SDAD1: variants seen among roughly 807,000 people sequenced by gnomAD.
SDAD1 encodes protein SDA1 homolog.
A neutral mutation model predicts 100.3 loss-of-function variants in SDAD1; 79 were observed. The ratio of observed to expected loss-of-function variants is 0.79; its 90% CI spans 0.66 to 0.95. SDAD1 has a LOEUF of 0.95. Among genes scored for constraint, SDAD1 ranks in the 40% least tolerant of loss-of-function variants. The pLI, the probability that SDAD1 is intolerant of heterozygous loss-of-function variation, is 0.00. For synonymous variants in SDAD1, 267 were observed against 271.4 expected, an observed-to-expected ratio of 0.98 and a Z score of 0.16; for missense variants, 790 against 810.9, an observed-to-expected ratio of 0.97 and a Z score of 0.31.
chr4:75,984,778 A>AACACACACACACACAC (rs35320227), intron 1 of SDAD1, among the ~76,000 whole-genome samples: 3,313 of 136,892 alleles, frequency 0.024, 72 homozygotes, highest in Middle Eastern at 0.072. Flanking sequence ...CACACACACA[A>AACACACACACACACAC]ACACACACAC....
intron 3 of SDAD1, among the ~76,000 whole-genome samples, chr4:75,979,427 T>C (rs1182576414): frequency 6.6e-6 from 1 of 152,212 alleles, no homozygotes; most frequent in South Asian, 2.1e-4. Context: ...ATGCTAACTA[T>C]ACAGACGCAA....
chr4:75,961,558 A>T (rs953188957), intron 14 of SDAD1, among the ~76,000 whole-genome samples: 4 of 152,062 alleles, frequency 2.6e-5, no homozygotes, highest in African/African-American at 9.7e-5. Context: ...TCAGAGAAGC[A>T]TTTACTTGCC....
At chr4:75,985,767 A>G (rs748292413) in intron 1 of SDAD1, among the ~76,000 whole-genome samples, 7 of 152,128 alleles carry the variant, frequency 4.6e-5, no homozygotes, top group Non-Finnish European at 8.8e-5. Context: ...ACCAATAACT[A>G]TATTACAACT....
At chr4:75,967,063 G>A (rs905323293) in intron 12 of SDAD1, among the ~76,000 whole-genome samples, 1 of 152,282 alleles carries the variant, frequency 6.6e-6, no homozygotes, top group Middle Eastern at 3.4e-3. Context: ...CACTGTGCCC[G>A]GCAGTTGTTG....
At chr4:75,969,093 T>C (rs1729719310) in intron 11 of SDAD1, among the ~76,000 whole-genome samples, 1 of 148,222 alleles carries the variant, frequency 6.7e-6, no homozygotes, top group Admixed American at 6.7e-5. Flanking sequence ...ATGGAATATA[T>C]GTACAAATTA....
chr4:75,966,660 T>A (rs1363603195), intron 12 of SDAD1, among the ~76,000 whole-genome samples: 1 of 152,222 alleles, frequency 6.6e-6, no homozygotes, highest in Admixed American at 6.5e-5. Flanking sequence ...AATCTTAATA[T>A]CTATTATGAA....
chr4:75,971,944 T>TC (rs1176656210), intron 8 of SDAD1, among the ~76,000 whole-genome samples: 1 of 151,262 alleles, frequency 6.6e-6, no homozygotes, highest in Admixed American at 6.6e-5. Flanking sequence ...GCACTATTTT[T>TC]TTTTTTTTTT....
chr4:75,990,929 C>G lies in SDAD1; in HGVS notation c.-88G>C. ...CAATCCCTGCCAGCTGCAGCTTGGA[C>G]TCGTGTTTCCGGGTATGACCGGAAA... On this transcript the variant is annotated 5_prime_UTR_variant, in exon 1 of 22. Transcript: ENST00000356260. 1.3e-5 allele frequency: 20 copies of G among 1,522,668 alleles called. No homozygotes were observed. The highest frequency in any genetic ancestry group is 1.8e-5 in the Non-Finnish European group (20 of 1,105,160). 94.3% of individuals were successfully genotyped at this position (1,522,668 alleles called of 1,614,324 possible). A position where few individuals can be genotyped will look rare whatever the true frequency, so the allele number is the denominator to read the frequency against.
Position 75,974,520 on chromosome 4 carries a change from A to G in SDAD1, c.579-387T>C, listed in dbSNP as rs1730047273. The stretch of plus-strand genomic sequence containing the variant: ...CACTGGAGGCCAAGAGTTCCGGTCC[A>G]GCCTGATCAACATAGTGAAACCCCA... On this transcript the variant is annotated intron_variant, in intron 6 of 21. Transcript: ENST00000356260. Among the ~76,000 whole-genome samples, 3 of 151,690 alleles carry G rather than the reference A, an allele frequency of 2.0e-5. No homozygotes were observed. The South Asian group carries it at 6.2e-4, about 32-fold the overall frequency.
At chr4:75,962,584 C>T (rs574699262) in intron 14 of SDAD1, among the ~76,000 whole-genome samples, 11 of 152,232 alleles carry the variant, frequency 7.2e-5, no homozygotes, top group East Asian at 3.9e-4. Context: ...TTTTAATGAT[C>T]GCCATTCTAA....
chr4:75,961,009 ATAAGTGTGCTTTACC>A lies in SDAD1; in HGVS notation c.1356+4_1356+18del. ...GTGAGACCATAACCTTTAGACCAAC[ATAAGTGTGCTTTACC>A]TACCCGGAATTTCTTCTGCAGCATC... On this transcript the variant is annotated splice_donor_5th_base_variant and intron_variant, in intron 16 of 21. Coordinates refer to ENST00000356260, the MANE Select transcript of SDAD1 (RefSeq NM_018115.4). 1 of 1,607,838 alleles carries A rather than the reference ATAAGTGTGCTTTACC, an allele frequency of 6.2e-7. No individual in the cohort carries two copies. The highest frequency in any genetic ancestry group is 8.5e-7 in the Non-Finnish European group (1 of 1,175,214).
At position 75,972,977 on chromosome 4, in the gene SDAD1, C is replaced by A. The variant is rs1729953606; in HGVS notation, c.711+340G>T. On this transcript the variant is annotated intron_variant, in intron 8 of 21. Transcript: ENST00000356260. ...CAGAGCTTGCAGTGAGCTGAGACCACACCACTGCCCTCCAGCCTGGGCAAC... is the reference window on the plus strand; with the variant it reads ...CAGAGCTTGCAGTGAGCTGAGACCAAACCACTGCCCTCCAGCCTGGGCAAC... Among the ~76,000 whole-genome samples the A allele has an allele frequency of 2.0e-5, 3 of 151,988 alleles. No homozygotes were observed. In the South Asian group the frequency reaches 6.2e-4, roughly 32 times the overall value.
intron 1 of SDAD1, among the ~76,000 whole-genome samples, chr4:75,982,318 T>C (rs1304521233): frequency 6.6e-6 from 1 of 152,148 alleles, no homozygotes; most frequent in African/African-American, 2.4e-5. Context: ...GAATCCCAAA[T>C]TCAGATTGTA....
At chr4:75,986,939 G>A (rs1253261935) in intron 1 of SDAD1, among the ~76,000 whole-genome samples, 1 of 151,960 alleles carries the variant, frequency 6.6e-6, no homozygotes, top group African/African-American at 2.4e-5. Context: ...GATTGCTTGA[G>A]CCCAGGAGGT....
At position 75,961,442 on chromosome 4, in the gene SDAD1, T is replaced by C. The variant is rs1203336613; in HGVS notation, c.1182-134A>G. The C allele has an allele frequency of 1.6e-5, 10 of 633,468 alleles. No homozygotes were observed. In the East Asian group the frequency reaches 2.5e-4, roughly 16 times the overall value. The allele number at this position is 633,468 out of a possible 1,614,324, so 39.2% of individuals were successfully genotyped here. On this transcript the variant is annotated intron_variant, in intron 14 of 21. Transcript: ENST00000356260. ...TTTATATAGCTTAGGTCTCCAAAAC[T>C]GCAGCATGTTAGAGAATGTCAGGTA... is the stretch of plus-strand genomic sequence containing the variant.
chr4:75,957,390 G>A lies in SDAD1; in HGVS notation c.1789C>T (p.Arg597Trp), dbSNP rs771381043. ...TTTTTATGAAGGCGTTCAATGTCCC[G>A]AAGAGAAAGTAATTCACCCCTGGGG... is the stretch of plus-strand genomic sequence containing the variant. Reference protein sequence around the residue: ...EEPRGELLSLRDIERLHKKPK... With the variant: ...EEPRGELLSLWDIERLHKKPK... Residue 597 changes from arginine to tryptophan, a missense_variant, in exon 20 of 22, where the codon CGG (arginine) becomes TGG (tryptophan). Coordinates refer to ENST00000356260, the MANE Select transcript of SDAD1 (RefSeq NM_018115.4). 2.5e-5 allele frequency: 41 copies of A among 1,613,878 alleles called. No individual in the cohort carries two copies. Among genetic ancestry groups the A allele is most frequent in the East Asian group, 1.1e-4 (5 of 44,888 alleles).
At chr4:75,990,286 C>A (rs892183683) in intron 1 of SDAD1, among the ~76,000 whole-genome samples, 26 of 136,502 alleles carry the variant, frequency 1.9e-4, no homozygotes, top group African/African-American at 3.0e-4. Context: ...CCCCCCCCCC[C>A]CTTTCCTGGC....
chr4:75,962,523 A>G (rs1729303493), intron 14 of SDAD1, among the ~76,000 whole-genome samples: 1 of 152,204 alleles, frequency 6.6e-6, no homozygotes, highest in Admixed American at 6.5e-5. Context: ...CAACAGTGTA[A>G]AAGTGTTCCT....
intron 3 of SDAD1, 77 bp downstream of exon 3, chr4:75,981,295 G>T: frequency 7.7e-7 from 1 of 1,305,352 alleles, no homozygotes; most frequent in Non-Finnish European, 1.1e-6. Flanking sequence ...TAGCTTAGAG[G>T]CTGTTCTCAT....
Sources: allele counts gnomAD v4.1 joint callset (sites outside exome capture counted in the v4.1 genomes callset), GRCh38; gene constraint gnomAD v4.1.1; transcripts MANE v1.5; gene names NCBI Gene and HGNC (gene_info 2026-07-23, HGNC 2026-07-21).